The following MYO18B variants were observed in gnomAD, a reference collection of about 807,000 sequenced individuals.
MYO18B encodes the protein unconventional myosin-XVIIIb.
MYO18B carries 204 observed loss-of-function variants against 273.0 expected under a neutral mutation model. The observed-to-expected ratio is 0.75, with a 90% CI of 0.67 to 0.84. MYO18B has a LOEUF of 0.84. MYO18B is among the 40% of genes least tolerant of loss of function. The pLI is 0.00. For synonymous variants in MYO18B, 1,330 were observed against 1,305.7 expected (o/e 1.02, Z -0.40); for missense variants, 3,212 against 3,287.6 (o/e 0.98, Z 0.56).
intron 9 of MYO18B, 29 bp from the exon 10 acceptor site, chr22:25,781,705 G>A: frequency 6.8e-7 from 1 of 1,470,632 alleles, no homozygotes; most frequent in Non-Finnish European, 9.0e-7. Flanking sequence ...CCAAAGCACT[G>A]ACTGGGTGCC....
Position 25,763,385 on chromosome 22 carries a change from G to A in MYO18B, c.194G>A (p.Arg65Gln), listed in dbSNP as rs369047566. 13 of 1,608,722 alleles carry A rather than the reference G, an allele frequency of 8.1e-6. No homozygotes were observed. Among genetic ancestry groups the A allele is most frequent in the East Asian group, 2.2e-5 (1 of 44,834 alleles). Residue 65 changes from arginine to glutamine, a missense_variant, in exon 3 of 44, where the codon CGA becomes CAA. Physicochemically the swap from Arg to Gln is conservative, Grantham distance 43. Transcript: ENST00000335473. ...CAGTTAGCTGTCGCCTCTCCAGAAC[G>A]AGAGGTAAGTGGTTCCTAAGAAGGA... The part of the protein sequence containing the change: ...RKQLAVASPE[R>Q]EIPEISISQP...
At chr22:26,049,663 T>C in the MYO18B span, among the ~76,000 whole-genome samples, 8 of 152,202 alleles carry the variant, frequency 5.3e-5, no homozygotes, top group African/African-American at 1.7e-4. Flanking sequence ...CACTGGGAGA[T>C]ACTAATAACT....
intron 25 of MYO18B, among the ~76,000 whole-genome samples, chr22:25,882,815 T>G (rs2091381496): frequency 6.6e-6 from 1 of 152,212 alleles, no homozygotes; most frequent in African/African-American, 2.4e-5. Context: ...AGTGATGAAG[T>G]CTGGGCTTTT....
rs146560253 is a variant in MYO18B at position 25,862,821 on chromosome 22, C to T, written c.3886-5499C>T. Among the ~76,000 whole-genome samples, 58 of 149,338 alleles carry T rather than the reference C, an allele frequency of 3.9e-4. 1 individual carries two copies. In the East Asian group the frequency reaches 6.8e-3, roughly 17 times the overall value. On this transcript the variant is annotated intron_variant, in intron 21 of 43. Transcript: ENST00000335473. ...TTATTCTATTTGGAATTCAATGACCCGCTAGGATGCATAGACTTTTTTTTT... is the reference window on the plus strand; with the variant it reads ...TTATTCTATTTGGAATTCAATGACCTGCTAGGATGCATAGACTTTTTTTTT...
At chr22:25,902,912 T>C in intron 30 of MYO18B, 176 bp downstream of exon 30, 1 of 657,788 alleles carries the variant, frequency 1.5e-6, no homozygotes, top group Non-Finnish European at 2.5e-6. Flanking sequence ...GCTGGTAAAT[T>C]GATAATCAGA....
chr22:25,831,634 C>T (rs536181805), intron 15 of MYO18B, among the ~76,000 whole-genome samples: 2 of 152,306 alleles, frequency 1.3e-5, no homozygotes, highest in Admixed American at 1.3e-4. Context: ...CCGCCTGCCT[C>T]GGCCTCCCAA....
chr22:25,753,272 T>C (rs989674896), intron 1 of MYO18B, among the ~76,000 whole-genome samples: 2 of 152,204 alleles, frequency 1.3e-5, no homozygotes, highest in East Asian at 3.9e-4. Context: ...TGGAGAACTT[T>C]CATGTCTAGC....
At position 26,027,335 on chromosome 22, in the gene MYO18B, C is replaced by T. The variant is rs2147024008; in HGVS notation, c.7361C>T (p.Pro2454Leu). 1 of 1,614,004 alleles carries T rather than the reference C, an allele frequency of 6.2e-7. No homozygotes were observed. Residue 2454 changes from proline to leucine, a missense_variant, in exon 43 of 44, where the codon CCT becomes CTT. Pro to Leu is a moderately conservative substitution (Grantham distance 98). Coordinates refer to ENST00000335473, the MANE Select transcript of MYO18B (RefSeq NM_032608.7). This position sits in a 1 kb window ranked among gnomAD's most constrained non-coding sequence, Gnocchi z 4.1. ...CCAGCTATCCGGAAGCCCCAGACACCTACCTCCTTGGCTGGATCAGCCAAA... is the reference window on the plus strand; with the variant it reads ...CCAGCTATCCGGAAGCCCCAGACACTTACCTCCTTGGCTGGATCAGCCAAA... ...FLPAIRKPQTPTSLAGSAKGG... is the reference protein window; with the variant it reads ...FLPAIRKPQTLTSLAGSAKGG...
chr22:25,924,736 T>C (rs920972149), intron 34 of MYO18B, among the ~76,000 whole-genome samples: 1 of 152,126 alleles, frequency 6.6e-6, no homozygotes, highest in South Asian at 2.1e-4. Context: ...TTTAGAGGAT[T>C]GTACTTCTGC....
At chr22:25,917,550 GTGTGTGT>G (rs913676679) in intron 33 of MYO18B, among the ~76,000 whole-genome samples, 1 of 148,368 alleles carries the variant, frequency 6.7e-6, no homozygotes, top group Non-Finnish European at 1.5e-5. Context: ...GTAGGGGTGT[GTGTGTGT>G]GTGTGTGTGT....
At position 26,026,918 on chromosome 22, in the gene MYO18B, G is replaced by C. The variant is rs756395631; in HGVS notation, c.6944G>C (p.Gly2315Ala). ...GCAAAGTCACCCCTGGAAATCGAAG[G>C]GGCCGCTGGTGGTCTCTTGAGGTCC... Reference protein sequence around the residue: ...VGAKSPLEIEGAAGGLLRSTS... With the variant: ...VGAKSPLEIEAAAGGLLRSTS... The change falls in exon 43 of 44, where the codon GGG becomes GCG. Residue 2315 changes from glycine to alanine, a missense_variant. Coordinates refer to ENST00000335473, the MANE Select transcript of MYO18B (RefSeq NM_032608.7). The C allele has an allele frequency of 3.9e-5, 63 of 1,608,568 alleles. No homozygotes were observed. The highest frequency in any genetic ancestry group is 7.7e-6 in the Non-Finnish European group (9 of 1,176,368).
At chr22:25,884,929 A>G (rs1403638098) in intron 25 of MYO18B, 1 of 152,204 alleles carries the variant, frequency 6.6e-6, no homozygotes, top group African/African-American at 2.4e-5. Context: ...ACTGCGTGCT[A>G]TCTAGCAAGC....
intron 36 of MYO18B, among the ~76,000 whole-genome samples, chr22:25,948,455 CTTCCTTCTTTCT>C (rs1238587653): frequency 6.2e-5 from 5 of 80,068 alleles, no homozygotes; most frequent in South Asian, 4.3e-4. Context: ...TCCTTCCTTC[CTTCCTTCTTTCT>C]TTCTTTCTTT....
intron 27 of MYO18B, among the ~76,000 whole-genome samples, chr22:25,894,345 A>G (rs1369544012): frequency 6.6e-6 from 1 of 152,200 alleles, no homozygotes; most frequent in Non-Finnish European, 1.5e-5. Context: ...TGGATGATAG[A>G]TGAATAAGTG....
intron 39 of MYO18B, among the ~76,000 whole-genome samples, chr22:25,976,216 A>C (rs2093087771): frequency 1.3e-5 from 2 of 152,192 alleles, no homozygotes; most frequent in South Asian, 4.1e-4. Flanking sequence ...ATCTGCTCCC[A>C]GATATCCCTA....
In MYO18B at chr22:26,027,583, G is replaced by A. The variant is rs200890530; in HGVS notation, c.7609G>A (p.Gly2537Ser). 14 of 1,613,836 alleles carry A rather than the reference G, an allele frequency of 8.7e-6. No homozygotes were observed. The highest frequency in any genetic ancestry group is 8.3e-5 in the Admixed American group (5 of 60,000). The change falls in exon 43 of 44, where the codon GGT (glycine) becomes AGT (serine). Residue 2537 changes from glycine (G) to serine (S), a missense_variant. Physicochemically the swap from Gly to Ser is moderately conservative, Grantham distance 56 (BLOSUM62 0). Coordinates refer to ENST00000335473, the MANE Select transcript of MYO18B (RefSeq NM_032608.7). The surrounding 1 kb of genome is among the most constrained non-coding windows in gnomAD (Gnocchi z 4.1). ...RPGIPRLAGD[G>S]GERTSPERRE... The stretch of plus-strand genomic sequence containing the variant: ...AGGAATCCCACGACTTGCGGGTGAC[G>A]GTGGCGAGCGAACGTCCCCCGAGCG...
intron 39 of MYO18B, among the ~76,000 whole-genome samples, chr22:25,986,174 C>T (rs1292865308): frequency 6.6e-6 from 1 of 152,196 alleles, no homozygotes; most frequent in East Asian, 1.9e-4. Context: ...GGTTGTGTGT[C>T]CCTAGGCAAA....
intron 12 of MYO18B, among the ~76,000 whole-genome samples, chr22:25,815,326 G>T (rs989092593): frequency 6.6e-6 from 1 of 152,182 alleles, no homozygotes; most frequent in Non-Finnish European, 1.5e-5. Flanking sequence ...GCATAGACTT[G>T]CAGCTGGTCC....
intron 11 of MYO18B, among the ~76,000 whole-genome samples, chr22:25,787,201 C>T (rs190488353): frequency 2.7e-5 from 4 of 149,548 alleles, no homozygotes; most frequent in East Asian, 2.0e-4. Context: ...GGAGACAGAG[C>T]GAGACTCTGT....
Sources: allele counts gnomAD v4.1 joint callset (sites outside exome capture counted in the v4.1 genomes callset), GRCh38; gene constraint gnomAD v4.1.1; non-coding constraint Gnocchi (gnomAD v3.1); transcripts MANE v1.5; gene names NCBI Gene and HGNC (gene_info 2026-07-23, HGNC 2026-07-21).